NUP98: variants seen among roughly 807,000 people sequenced by gnomAD.
The protein encoded by NUP98 is nucleoporin 98 and 96 precursor.
Under a neutral mutation model 191.9 loss-of-function variants are expected in NUP98, and 26 were observed. The ratio of observed to expected loss-of-function variants is 0.14; its 90% CI spans 0.10 to 0.19. The LOEUF (loss-of-function observed/expected upper bound fraction) is 0.19, where lower values mean the gene tolerates loss of function less well. Among genes scored for constraint, NUP98 ranks in the 10% least tolerant of loss-of-function variants. The probability of loss-of-function intolerance (pLI) is 1.00; values close to 1 mark genes in which losing one functional copy is unlikely to be tolerated. For missense variants in NUP98, 1,941 were observed against 2,178.8 expected, an observed-to-expected ratio of 0.89 and a Z score of 2.17; for synonymous variants, 808 against 778.4, an observed-to-expected ratio of 1.04 and a Z score of -0.63.
rs2081704251 is a variant in NUP98 at position 3,775,878 on chromosome 11, A to G, written c.495+4T>C. On this transcript the variant is annotated splice_donor_region_variant and intron_variant, in intron 5 of 32. Coordinates refer to ENST00000324932, the MANE Select transcript of NUP98 (RefSeq NM_016320.5). ...TTCCACAAAGATTGGAAGAAAATACATACGTTAAATTTAATAGTAGTCCCA... is the reference window on the plus strand; with the variant it reads ...TTCCACAAAGATTGGAAGAAAATACGTACGTTAAATTTAATAGTAGTCCCA... 3 of 1,607,222 alleles carry G rather than the reference A, an allele frequency of 1.9e-6. No homozygotes were observed. The highest frequency in any genetic ancestry group is 1.7e-6 in the Non-Finnish European group (2 of 1,178,156).
intron 12 of NUP98, among the ~76,000 whole-genome samples, chr11:3,742,386 T>C (rs2080315379): frequency 1.3e-5 from 2 of 152,100 alleles, no homozygotes; most frequent in Admixed American, 6.6e-5. Flanking sequence ...ACAGAAAATA[T>C]TATCAATTTT....
intron 1 of NUP98, among the ~76,000 whole-genome samples, chr11:3,788,565 T>C (rs907486761): frequency 1.3e-5 from 2 of 152,110 alleles, no homozygotes; most frequent in African/African-American, 4.8e-5. Context: ...CACTACAGCC[T>C]GGGTGACAAG....
intron 2 of NUP98, among the ~76,000 whole-genome samples, chr11:3,780,168 T>C (rs916946165): frequency 2.6e-5 from 4 of 151,964 alleles, no homozygotes; most frequent in Non-Finnish European, 4.4e-5. Context: ...TGGGCACTTT[T>C]AGTTAAAAAC....
intron 10 of NUP98, among the ~76,000 whole-genome samples, chr11:3,757,231 G>A (rs927955084): frequency 7.9e-5 from 12 of 151,998 alleles, no homozygotes; most frequent in African/African-American, 2.7e-4. Context: ...GCTCATGCCT[G>A]TAATCCCAGC....
intron 12 of NUP98, among the ~76,000 whole-genome samples, chr11:3,741,903 T>C (rs1434270727): frequency 6.6e-6 from 1 of 152,222 alleles, no homozygotes; most frequent in Non-Finnish European, 1.5e-5. Context: ...TTAAATTGTG[T>C]GGAATGAATG....
In NUP98 at chr11:3,782,088, A is replaced by G; in HGVS notation, c.30T>C (p.Phe10=). 1 of 1,612,844 alleles carries G rather than the reference A, an allele frequency of 6.2e-7. No homozygotes were observed. The highest frequency in any genetic ancestry group is 8.5e-7 in the Non-Finnish European group (1 of 1,179,484). The change falls in exon 2 of 33, where the codon TTT becomes TTC. Residue 10 remains phenylalanine, a synonymous_variant. Transcript: ENST00000324932. ...TGCCAAAGCCACCTGTGCCACCCCC[A>G]AAGGGTGTTCCAAATGATTTGTTAA... MFNKSFGTP[F]GGGTGGFGTT...
rs930891776 is a variant in NUP98 at position 3,683,945 on chromosome 11, C to T, written c.4677-504G>A. Among the ~76,000 whole-genome samples the T allele has an allele frequency of 2.0e-5, 3 of 152,130 alleles. No homozygotes were observed. In the South Asian group the frequency reaches 6.2e-4, roughly 32 times the overall value. ...AGCACTGGCCAGGCACAGTGCCTCA[C>T]GCCTGTAATCCCAGCACTTTGGGAG... On this transcript the variant is annotated intron_variant, in intron 29 of 32. Transcript: ENST00000324932.
At chr11:3,772,008 GT>G in intron 6 of NUP98, 80 bp from the exon 7 acceptor site, 1 of 1,194,156 alleles carries the variant, frequency 8.4e-7, no homozygotes, top group Non-Finnish European at 1.2e-6. Context: ...CTTGAATTTA[GT>G]ATTCAAGTTC....
At chr11:3,760,112 CAAA>C (rs67500611) in intron 10 of NUP98, 9,207 of 121,198 alleles carry the variant, frequency 0.076, 272 homozygotes, top group Middle Eastern at 0.12. Flanking sequence ...TGTTCTCCAC[CAAA>C]AAAAAAAAAA....
chr11:3,693,412 A>T, intron 26 of NUP98, 37 bp from the exon 27 acceptor site: 1 of 1,608,844 alleles, frequency 6.2e-7, no homozygotes. Flanking sequence ...GCTATATTCT[A>T]CCTTGTTATT....
chr11:3,700,862 G>C, intron 23 of NUP98, 23 bp from the exon 24 acceptor site: 1 of 1,537,820 alleles, frequency 6.5e-7, no homozygotes, highest in Non-Finnish European at 8.9e-7. Flanking sequence ...ATGAGGAATA[G>C]AATAGAAAAT....
At chr11:3,750,698 ACCCACTGCAGCATCTACCT>A (rs979705497) in intron 11 of NUP98, among the ~76,000 whole-genome samples, 2 of 151,988 alleles carry the variant, frequency 1.3e-5, no homozygotes, top group African/African-American at 4.8e-5. Context: ...TACTATCGTA[ACCCACTGCAGCATCTACCT>A]CCCAGGCTGA....
intron 14 of NUP98, among the ~76,000 whole-genome samples, chr11:3,725,576 T>C (rs555762141): frequency 2.6e-5 from 4 of 152,212 alleles, no homozygotes; most frequent in South Asian, 2.1e-4. Context: ...TCCAAATGCT[T>C]TCTCTCTCTT....
At chr11:3,737,607 A>G (rs2080117251) in intron 12 of NUP98, among the ~76,000 whole-genome samples, 2 of 152,230 alleles carry the variant, frequency 1.3e-5, no homozygotes, top group Non-Finnish European at 2.9e-5. Flanking sequence ...AGCCTAGGCG[A>G]CAGAGCGAGA....
intron 11 of NUP98, among the ~76,000 whole-genome samples, chr11:3,752,091 C>T (rs182813317): frequency 1.3e-5 from 2 of 151,078 alleles, no homozygotes; most frequent in African/African-American, 2.4e-5. Context: ...TTGCAGTGAG[C>T]CGAGATTATG....
At chr11:3,729,377 G>A (rs530976097) in intron 14 of NUP98, among the ~76,000 whole-genome samples, 2 of 151,842 alleles carry the variant, frequency 1.3e-5, no homozygotes, top group African/African-American at 4.8e-5. Flanking sequence ...GTGAATCAAG[G>A]AGGAGGGACA....
chr11:3,742,076 T>C (rs2080303955), intron 12 of NUP98, among the ~76,000 whole-genome samples: 1 of 152,168 alleles, frequency 6.6e-6, no homozygotes. Flanking sequence ...CTTGAAGCAA[T>C]GCTGAAGGCC....
chr11:3,731,237 C>A (rs1366919123), intron 14 of NUP98, among the ~76,000 whole-genome samples, 154 bp downstream of exon 14: 1 of 152,178 alleles, frequency 6.6e-6, no homozygotes, highest in African/African-American at 2.4e-5. Context: ...GCACTCCAGC[C>A]TGGGTGACAG....
chr11:3,777,751 A>ACTGG (rs1412384727), intron 4 of NUP98, among the ~76,000 whole-genome samples: 1 of 152,126 alleles, frequency 6.6e-6, no homozygotes, highest in Non-Finnish European at 1.5e-5. Flanking sequence ...ATGATTTATC[A>ACTGG]CTGGCAAACT....
Sources: allele counts gnomAD v4.1 joint callset (sites outside exome capture counted in the v4.1 genomes callset), GRCh38; gene constraint gnomAD v4.1.1; transcripts MANE v1.5; gene names NCBI Gene and HGNC (gene_info 2026-07-23, HGNC 2026-07-21).